NCS1: variants seen among roughly 807,000 people sequenced by gnomAD.
NCS1 encodes frequenin homolog.
Under a neutral mutation model 28.4 loss-of-function variants are expected in NCS1, and 6 were observed. The observed-to-expected ratio is 0.21, with a 90% CI of 0.12 to 0.42. The LOEUF (loss-of-function observed/expected upper bound fraction) is 0.42, where lower values mean the gene tolerates loss of function less well. Among genes scored for constraint, NCS1 ranks in the 10% least tolerant of loss-of-function variants. The pLI, the probability that NCS1 is intolerant of heterozygous loss-of-function variation, is 1.00. For missense variants in NCS1, 131 were observed against 241.4 expected (o/e 0.54, Z 3.03); for synonymous variants, 86 against 99.3 (o/e 0.87, Z 0.79).
At chr9:130,179,061 A>G (rs1335966342) in intron 1 of NCS1, among the ~76,000 whole-genome samples, 1 of 150,292 alleles carries the variant, frequency 6.7e-6, no homozygotes, top group Non-Finnish European at 1.5e-5. Flanking sequence ...CAGCCTCCCG[A>G]GTAGGGGATT....
chr9:130,201,493 C>T (rs1469608663), intron 2 of NCS1, among the ~76,000 whole-genome samples: 2 of 152,080 alleles, frequency 1.3e-5, no homozygotes, highest in African/African-American at 2.4e-5. Context: ...AATGGAAAAG[C>T]GGCAGTGAGG....
At chr9:130,220,634 C>T (rs61302176) in intron 4 of NCS1, among the ~76,000 whole-genome samples, 67 of 151,858 alleles carry the variant, frequency 4.4e-4, no homozygotes, top group African/African-American at 1.5e-3. Context: ...ATGCAGGGTG[C>T]GTGGAGGGGA....
chr9:130,172,911 C>T (rs1212988423), intron 1 of NCS1, among the ~76,000 whole-genome samples, 184 bp downstream of exon 1: 1 of 151,654 alleles, frequency 6.6e-6, no homozygotes, highest in Non-Finnish European at 1.5e-5. Flanking sequence ...CCCGCCCGGC[C>T]CCATTGTTCT....
In NCS1 at chr9:130,219,041, A is replaced by G. The variant is rs1554909815; in HGVS notation, c.229-684A>G. Among the ~76,000 whole-genome samples the G allele has an allele frequency of 6.6e-6, 1 of 152,146 alleles. No individual in the cohort carries two copies. Among genetic ancestry groups the G allele is most frequent in the Non-Finnish European group, 1.5e-5 (1 of 68,026 alleles). ...TTTTCCACTGAGCATCATGTTTTCA[A>G]GACTTACCATGTGGTAGCTTGTGTC... On this transcript the variant is annotated intron_variant, in intron 3 of 7. Coordinates refer to ENST00000372398, the MANE Select transcript of NCS1 (RefSeq NM_014286.4). This position sits in a 1 kb window ranked among gnomAD's most constrained non-coding sequence, Gnocchi z 5.7.
At chr9:130,172,933 C>G (rs1372163624) in intron 1 of NCS1, among the ~76,000 whole-genome samples, 1 of 151,888 alleles carries the variant, frequency 6.6e-6, no homozygotes, top group Non-Finnish European at 1.5e-5. Flanking sequence ...GCACCCCCAG[C>G]CCGGGGAGTG....
chr9:130,229,265 CTT>C (rs35011671), intron 7 of NCS1, among the ~76,000 whole-genome samples: 59 of 141,638 alleles, frequency 4.2e-4, no homozygotes, highest in South Asian at 9.2e-4. Flanking sequence ...ATTAATATTT[CTT>C]TTTTTTTTTT....
intron 2 of NCS1, among the ~76,000 whole-genome samples, chr9:130,216,053 C>T (rs572257616): frequency 1.8e-4 from 28 of 152,282 alleles, no homozygotes; most frequent in African/African-American, 6.7e-4. Context: ...AGGGTGCCAC[C>T]CCTGGGTGCC....
intron 2 of NCS1, 115 bp downstream of exon 2, chr9:130,201,097 C>G: frequency 7.1e-7 from 1 of 1,400,210 alleles, no homozygotes; most frequent in Non-Finnish European, 1.0e-6. Context: ...TGGAGGGGCC[C>G]CTGAGCGTGG....
chr9:130,216,945 G>A (rs1554909473), intron 2 of NCS1, among the ~76,000 whole-genome samples: 2 of 146,442 alleles, frequency 1.4e-5, no homozygotes, highest in Non-Finnish European at 3.1e-5. Flanking sequence ...ACTGCCTACA[G>A]GAGCCAGTTT....
At chr9:130,173,142 C>T (rs1257155917) in intron 1 of NCS1, among the ~76,000 whole-genome samples, 3 of 152,010 alleles carry the variant, frequency 2.0e-5, no homozygotes, top group African/African-American at 4.8e-5. Context: ...CATCACGATG[C>T]CGCCGCCGCC....
chr9:130,207,083 T>G (rs1833033603), intron 2 of NCS1, among the ~76,000 whole-genome samples: 1 of 152,016 alleles, frequency 6.6e-6, no homozygotes, highest in South Asian at 2.1e-4. Context: ...CCAGCCTGCC[T>G]CCCCCAGACA....
rs368545527 is a variant in NCS1 at position 130,175,484 on chromosome 9, C to T, written c.64+2757C>T. ...GGCCCAGGAATTTGCATCCTTGACA[C>T]GTGTTTGTGCTGCAGATGGTGGTCC... On this transcript the variant is annotated intron_variant, in intron 1 of 7. Transcript: ENST00000372398. This position sits in a 1 kb window ranked among gnomAD's most constrained non-coding sequence, Gnocchi z 4.9. 6.6e-6 allele frequency among the ~76,000 whole-genome samples: 1 copy of T among 152,294 alleles called. No individual in the cohort carries two copies. The highest frequency in any genetic ancestry group is 3.4e-3 in the Middle Eastern group (1 of 294).
chr9:130,212,695 C>T (rs1257875190), intron 2 of NCS1, among the ~76,000 whole-genome samples: 3 of 151,270 alleles, frequency 2.0e-5, no homozygotes, highest in African/African-American at 7.3e-5. Context: ...GGAGGAGGTC[C>T]GGGCCTGTGG....
Position 130,223,174 on chromosome 9 carries a change from C to CGGGGGGGGGGG in NCS1, c.474+19_474+20insGGGGGGGGGGG. The CGGGGGGGGGGG allele has an allele frequency of 1.0e-6, 1 of 995,294 alleles. No individual in the cohort carries two copies. Among genetic ancestry groups the CGGGGGGGGGGG allele is most frequent in the Non-Finnish European group, 1.5e-6 (1 of 662,904 alleles). 61.7% of individuals were successfully genotyped at this position (995,294 alleles called of 1,614,324 possible). A position where few individuals can be genotyped will look rare whatever the true frequency, so the allele number is the denominator to read the frequency against. Reference sequence around the variant, plus strand: ...TGATGGATAAGGTGAGGTGGGGGGGCGGGGCTGGTCCTGGACCAGGGAGGC... The same window carrying CGGGGGGGGGGG: ...TGATGGATAAGGTGAGGTGGGGGGGCGGGGGGGGGGGGGGGCTGGTCCTGGACCAGGGAGGC... On this transcript the variant is annotated intron_variant, in intron 6 of 7. Coordinates refer to ENST00000372398, the MANE Select transcript of NCS1 (RefSeq NM_014286.4).
intron 7 of NCS1, among the ~76,000 whole-genome samples, chr9:130,227,252 T>G (rs1554911527): frequency 6.6e-6 from 1 of 152,142 alleles, no homozygotes; most frequent in Non-Finnish European, 1.5e-5. Context: ...CCTTCTTTCC[T>G]TCTCCTCTCC....
At position 130,219,577 on chromosome 9, in the gene NCS1, C is replaced by A; in HGVS notation, c.229-148C>A. On this transcript the variant is annotated intron_variant, in intron 3 of 7. Coordinates refer to ENST00000372398, the MANE Select transcript of NCS1 (RefSeq NM_014286.4). This position sits in a 1 kb window ranked among gnomAD's most constrained non-coding sequence, Gnocchi z 5.7. ...CCACCCTCTCCTTGCCTCTCGCCCC[C>A]CATTCCTTCGAGCCTGCCCTCTCCA... 1.4e-6 allele frequency: 1 copy of A among 713,210 alleles called. No individual in the cohort carries two copies. The highest frequency in any genetic ancestry group is 1.6e-5 in the South Asian group (1 of 61,566). 44.2% of individuals were successfully genotyped at this position (713,210 alleles called of 1,614,324 possible).
intron 1 of NCS1, among the ~76,000 whole-genome samples, chr9:130,185,412 C>A (rs1050008374): frequency 6.6e-6 from 1 of 152,244 alleles, no homozygotes; most frequent in African/African-American, 2.4e-5. Context: ...TCTGTCCAGC[C>A]CTCTCCTACC....
chr9:130,198,529 G>A (rs538924981), intron 1 of NCS1, among the ~76,000 whole-genome samples: 1 of 152,204 alleles, frequency 6.6e-6, no homozygotes, highest in Non-Finnish European at 1.5e-5. Flanking sequence ...TAGGGGCACC[G>A]TCCCAGCTCT....
In NCS1 at chr9:130,180,180, T is replaced by A. The variant is rs538134252; in HGVS notation, c.64+7453T>A. Among the ~76,000 whole-genome samples, 1 of 152,166 alleles carries A rather than the reference T, an allele frequency of 6.6e-6. No homozygotes were observed. Among genetic ancestry groups the A allele is most frequent in the South Asian group, 2.1e-4 (1 of 4,830 alleles). On this transcript the variant is annotated intron_variant, in intron 1 of 7. Coordinates refer to ENST00000372398, the MANE Select transcript of NCS1 (RefSeq NM_014286.4). This position sits in a 1 kb window ranked among gnomAD's most constrained non-coding sequence, Gnocchi z 4.5. ...CTCCTGAGTAGCTCGTATTAGAATG[T>A]GCACCACCACACCTGGCTAATTTTT...
Sources: gnomAD v4.1 joint callset for allele counts (sites outside exome capture counted in the v4.1 genomes callset) on GRCh38, gnomAD v4.1.1 for gene constraint, Gnocchi (gnomAD v3.1) non-coding constraint, MANE v1.5 for transcripts, NCBI Gene and HGNC (gene_info 2026-07-23, HGNC 2026-07-21) for gene names.